The following EPCIP variants were observed in gnomAD, a reference collection of about 807,000 sequenced individuals.
The protein encoded by EPCIP is exosomal polycystin-1-interacting protein.
the EPCIP span, among the ~76,000 whole-genome samples, chr21:32,811,154 C>T: frequency 1.2e-4 from 18 of 149,862 alleles, no homozygotes; most frequent in South Asian, 3.5e-3. Context: ...TTTTTTAGAC[C>T]GAGTCTCAGT....
chr21:32,792,977 A>T, the EPCIP span, among the ~76,000 whole-genome samples: 1 of 150,110 alleles, frequency 6.7e-6, no homozygotes, highest in Admixed American at 6.6e-5. Context: ...CAATGGTGTG[A>T]TCTCTGACTC....
chr21:32,793,570 T>G, the EPCIP span: 2 of 663,530 alleles, frequency 3.0e-6, no homozygotes, highest in Non-Finnish European at 5.5e-6. Context: ...TTTTCAAAAG[T>G]GTTCTCGCAG....
chr21:32,794,235 A>G, the EPCIP span: 1 of 1,614,274 alleles, frequency 6.2e-7, no homozygotes, highest in Non-Finnish European at 8.5e-7. Flanking sequence ...ACGGTTTTAC[A>G]GTTGCACATC....
the EPCIP span, chr21:32,813,618 G>C: frequency 2.1e-6 from 1 of 471,040 alleles, no homozygotes; most frequent in Non-Finnish European, 4.4e-6. Flanking sequence ...GTGAGGCCTC[G>C]CCTCTCCACT....
At chr21:32,806,469 A>T in the EPCIP span, among the ~76,000 whole-genome samples, 1 of 152,176 alleles carries the variant, frequency 6.6e-6, no homozygotes, top group Non-Finnish European at 1.5e-5. Flanking sequence ...ACCTAGAGGA[A>T]ATTCTGTTTT....
the EPCIP span, among the ~76,000 whole-genome samples, chr21:32,807,273 T>C: frequency 2.0e-5 from 3 of 151,592 alleles, no homozygotes; most frequent in Non-Finnish European, 4.4e-5. Context: ...ATTATCCAAA[T>C]GAGTCCCTAC....
the EPCIP span, among the ~76,000 whole-genome samples, chr21:32,804,369 C>T: frequency 6.6e-6 from 1 of 151,230 alleles, no homozygotes; most frequent in Non-Finnish European, 1.5e-5. Context: ...TGGTCTTAAA[C>T]TCCCAGGCTC....
At chr21:32,791,482 CT>C in the EPCIP span, 1 of 151,992 alleles carries the variant, frequency 6.6e-6, no homozygotes, top group Non-Finnish European at 1.5e-5. Flanking sequence ...TTTCACTTGT[CT>C]TTTCTTGCTT....
At chr21:32,791,803 C>A in the EPCIP span, among the ~76,000 whole-genome samples, 5 of 151,760 alleles carry the variant, frequency 3.3e-5, no homozygotes, top group Non-Finnish European at 7.4e-5. Context: ...AAGTCATGGA[C>A]TATTTCTTAT....
chr21:32,805,498 A>T, the EPCIP span, among the ~76,000 whole-genome samples: 2 of 152,008 alleles, frequency 1.3e-5, no homozygotes, highest in African/African-American at 4.8e-5. Context: ...AATAGCTGGG[A>T]TTACAGGTGT....
the EPCIP span, among the ~76,000 whole-genome samples, chr21:32,804,275 T>TTTTATATATATATATATATATA: frequency 1.4e-5 from 2 of 140,960 alleles, no homozygotes; most frequent in African/African-American, 5.3e-5. Context: ...ATGCATGTGA[T>TTTTATATATATATATATATATA]TATATATATA....
the EPCIP span, among the ~76,000 whole-genome samples, chr21:32,796,022 C>T: frequency 1.8e-4 from 27 of 146,874 alleles, 1 homozygote; most frequent in South Asian, 3.8e-3. Flanking sequence ...CCCTCCTTCC[C>T]TCCTTCCTTC....
chr21:32,809,279 CCTTTCTTTCTTTCTTTCTTT>C, the EPCIP span, among the ~76,000 whole-genome samples: 952 of 80,054 alleles, frequency 0.012, 13 homozygotes, highest in Admixed American at 0.025. Context: ...CTCCCTCCTT[CCTTTCTTTCTTTCTTTCTTT>C]CTTTCTTTCT....
At chr21:32,792,911 T>G in the EPCIP span, among the ~76,000 whole-genome samples, 1 of 67,332 alleles carries the variant, frequency 1.5e-5, no homozygotes, top group African/African-American at 4.2e-5. Flanking sequence ...ATTTTATTAT[T>G]ATTATTTTTT....
the EPCIP span, among the ~76,000 whole-genome samples, chr21:32,811,932 C>A: frequency 6.6e-6 from 1 of 152,228 alleles, no homozygotes; most frequent in Non-Finnish European, 1.5e-5. Flanking sequence ...TGCCCTTTCA[C>A]CTTCCACCAT....
chr21:32,805,654 G>A, the EPCIP span, among the ~76,000 whole-genome samples: 1 of 152,120 alleles, frequency 6.6e-6, no homozygotes. Flanking sequence ...AAGCCACTGC[G>A]CCTGGCCAAG....
the EPCIP span, among the ~76,000 whole-genome samples, chr21:32,795,391 G>T: frequency 6.6e-6 from 1 of 152,190 alleles, no homozygotes; most frequent in Non-Finnish European, 1.5e-5. Context: ...GACAGATGCA[G>T]GATCCTCCTT....
chr21:32,803,292 C>A, the EPCIP span, among the ~76,000 whole-genome samples: 1 of 152,214 alleles, frequency 6.6e-6, no homozygotes. Flanking sequence ...CACTGTAAGC[C>A]TTATGGCTAC....
the EPCIP span, among the ~76,000 whole-genome samples, chr21:32,808,906 C>A: frequency 0.72 from 109,392 of 151,990 alleles, 40,142 homozygotes; most frequent in East Asian, 0.91. Context: ...GACTCTTTGA[C>A]GATTAGTTTT....
Sources: gnomAD v4.1 joint callset for allele counts (sites outside exome capture counted in the v4.1 genomes callset) on GRCh38, gnomAD v4.1.1 for gene constraint, MANE v1.5 for transcripts, NCBI Gene and HGNC (gene_info 2026-07-23, HGNC 2026-07-21) for gene names.